Variants in NBAS observed in about 807,000 individuals in gnomAD.
NBAS encodes the protein NBAS subunit of NRZ tethering complex.
A neutral mutation model predicts 302.5 loss-of-function variants in NBAS; 219 were observed. The ratio of observed to expected loss-of-function variants is 0.72; its 90% CI spans 0.65 to 0.81. The LOEUF is 0.81. NBAS is among the 30% of genes least tolerant of loss of function. The pLI, the probability that NBAS is intolerant of heterozygous loss-of-function variation, is 0.00. For missense variants in NBAS, 2,932 were observed against 2,841.6 expected (o/e 1.03, Z -0.72); for synonymous variants, 1,118 against 1,021.6 (o/e 1.09, Z -1.80).
chr2:14,890,216 T>A, the NBAS span, among the ~76,000 whole-genome samples: 1 of 152,286 alleles, frequency 6.6e-6, no homozygotes, highest in East Asian at 1.9e-4. Context: ...TATTCGTAGT[T>A]CCTAAGAATT....
the NBAS span, among the ~76,000 whole-genome samples, chr2:14,887,966 A>T: frequency 6.6e-6 from 1 of 152,134 alleles, no homozygotes; most frequent in Non-Finnish European, 1.5e-5. Context: ...TGAGAGCAAC[A>T]ACCCATGAAA....
chr2:15,471,383 T>C (rs1679950978), intron 16 of NBAS, among the ~76,000 whole-genome samples: 2 of 152,248 alleles, frequency 1.3e-5, no homozygotes, highest in Admixed American at 1.3e-4. Flanking sequence ...ATGCATCATC[T>C]TCTTCCATAC....
the NBAS span, among the ~76,000 whole-genome samples, chr2:15,118,201 G>C: frequency 1.3e-5 from 2 of 152,186 alleles, no homozygotes; most frequent in African/African-American, 4.8e-5. Flanking sequence ...ATTGATCATC[G>C]TGTCTTCCAC....
chr2:15,374,383 A>G (rs1674632672), intron 31 of NBAS, among the ~76,000 whole-genome samples: 2 of 152,116 alleles, frequency 1.3e-5, no homozygotes, highest in Admixed American at 1.3e-4. Flanking sequence ...TTTAAATGTT[A>G]TACACGTGAA....
At chr2:15,326,255 T>C (rs1191007048) in intron 38 of NBAS, among the ~76,000 whole-genome samples, 2 of 152,228 alleles carry the variant, frequency 1.3e-5, no homozygotes, top group Admixed American at 6.5e-5. Context: ...TTGCTTGACA[T>C]AGCGTTGCCA....
the NBAS span, among the ~76,000 whole-genome samples, chr2:14,886,994 C>T: frequency 6.6e-6 from 1 of 152,088 alleles, no homozygotes; most frequent in Non-Finnish European, 1.5e-5. Context: ...AAACATGACC[C>T]CACTGGAAAT....
intron 49 of NBAS, among the ~76,000 whole-genome samples, chr2:15,187,587 C>T (rs1025426188): frequency 1.3e-5 from 2 of 152,130 alleles, no homozygotes; most frequent in African/African-American, 4.8e-5. Flanking sequence ...GTTTCTTTCC[C>T]TTGTCTTGAC....
At chr2:14,929,541 C>A in the NBAS span, among the ~76,000 whole-genome samples, 4,553 of 152,150 alleles carry the variant, frequency 0.03, 98 homozygotes, top group Non-Finnish European at 0.047. Flanking sequence ...CCACACCCAG[C>A]CAATTTTTGT....
the NBAS span, among the ~76,000 whole-genome samples, chr2:14,891,794 G>A: frequency 9.9e-5 from 15 of 152,134 alleles, no homozygotes; most frequent in African/African-American, 2.9e-4. Flanking sequence ...ACACTACAGC[G>A]CATGCCTTCA....
the NBAS span, among the ~76,000 whole-genome samples, chr2:14,982,832 A>G: frequency 3.0e-4 from 45 of 152,372 alleles, 1 homozygote; most frequent in Middle Eastern, 6.8e-3. Context: ...CTGATGAATT[A>G]GAAAGTGTGA....
chr2:15,047,994 T>C, the NBAS span, among the ~76,000 whole-genome samples: 13 of 152,144 alleles, frequency 8.5e-5, no homozygotes, highest in South Asian at 2.7e-3. Context: ...AATAACTGAG[T>C]CACAATTGTT....
the NBAS span, among the ~76,000 whole-genome samples, chr2:14,892,439 G>C: frequency 6.6e-6 from 1 of 152,160 alleles, no homozygotes; most frequent in African/African-American, 2.4e-5. Context: ...TAGGACACCT[G>C]AGTTCTCTTC....
At chr2:15,317,633 G>T (rs896414397) in intron 38 of NBAS, among the ~76,000 whole-genome samples, 2 of 151,966 alleles carry the variant, frequency 1.3e-5, no homozygotes, top group African/African-American at 4.8e-5. Flanking sequence ...ATTTGGTCAA[G>T]TGGAAGAGTA....
chr2:15,004,725 C>T, the NBAS span, among the ~76,000 whole-genome samples: 1 of 141,004 alleles, frequency 7.1e-6, no homozygotes, highest in African/African-American at 2.7e-5. Context: ...CTCAAGCTAG[C>T]CTCGAACTTC....
At chr2:14,825,025 A>C in the NBAS span, among the ~76,000 whole-genome samples, 1 of 152,176 alleles carries the variant, frequency 6.6e-6, no homozygotes. Flanking sequence ...TTTCCACATA[A>C]AGTATTTTAA....
Position 15,336,731 on chromosome 2 carries a change from G to GAAA in NBAS, c.4180-5969_4180-5967dup, listed in dbSNP as rs562071247. Among the ~76,000 whole-genome samples the GAAA allele has an allele frequency of 4.9e-3, 708 of 144,058 alleles. 8 individuals are homozygous for GAAA. Among genetic ancestry groups the GAAA allele is most frequent in the African/African-American group, 0.017 (658 of 39,610 alleles). 94.5% of individuals were successfully genotyped at this position (144,058 alleles called of 152,430 possible). ...GGCGACAGAACAAGACTCCATATAG[G>GAAA]AAAAAAAAAAAGTCTCATATGTTGT... On this transcript the variant is annotated intron_variant, in intron 35 of 51. Coordinates refer to ENST00000281513, the MANE Select transcript of NBAS (RefSeq NM_015909.4).
intron 21 of NBAS, among the ~76,000 whole-genome samples, chr2:15,447,253 C>T (rs912068496): frequency 1.3e-5 from 2 of 152,138 alleles, no homozygotes; most frequent in Non-Finnish European, 2.9e-5. Flanking sequence ...ACAGAAAGAT[C>T]CCATTATATG....
chr2:15,195,049 T>C lies in NBAS; in HGVS notation c.6433-4646A>G, dbSNP rs560975190. 3.3e-5 allele frequency among the ~76,000 whole-genome samples: 5 copies of C among 152,232 alleles called. No homozygotes were observed. In the East Asian group the frequency reaches 9.6e-4, roughly 29 times the overall value. ...CAACATATAAAAATCAATCACATTG[T>C]TATATAACAATAAATATGTGAAAAC... On this transcript the variant is annotated intron_variant, in intron 48 of 51. Coordinates refer to ENST00000281513, the MANE Select transcript of NBAS (RefSeq NM_015909.4).
chr2:15,206,642 C>T (rs970537874), intron 48 of NBAS, among the ~76,000 whole-genome samples: 9 of 152,186 alleles, frequency 5.9e-5, no homozygotes, highest in Non-Finnish European at 7.3e-5. Context: ...CTCTATGCAG[C>T]CTTGGACATG....
Sources: gnomAD v4.1 joint callset for allele counts (sites outside exome capture counted in the v4.1 genomes callset) on GRCh38, gnomAD v4.1.1 for gene constraint, MANE v1.5 for transcripts, NCBI Gene and HGNC (gene_info 2026-07-23, HGNC 2026-07-21) for gene names.